NOL6: variants seen among roughly 807,000 people sequenced by gnomAD.
NOL6 encodes the protein nucleolar protein 6, also known as nucleolar RNA-associated protein.
Under a neutral mutation model 131.7 loss-of-function variants are expected in NOL6, and 33 were observed. The ratio of observed to expected loss-of-function variants is 0.25; its 90% CI spans 0.19 to 0.33. NOL6 has a LOEUF of 0.33. NOL6 is among the 10% of genes least tolerant of loss of function. The pLI is 1.00. For synonymous variants in NOL6, 580 were observed against 605.7 expected, an observed-to-expected ratio of 0.96 and a Z score of 0.62; for missense variants, 1,297 against 1,494.5, an observed-to-expected ratio of 0.87 and a Z score of 2.18.
chr9:33,465,045 G>C lies in NOL6; in HGVS notation c.2682-69C>G, dbSNP rs925041559. ...ATCCCCAGGCTTCTCTCAGGCTATGGAGCTCAGACCCCCTGGTGTGGATTG... is the reference window on the plus strand; with the variant it reads ...ATCCCCAGGCTTCTCTCAGGCTATGCAGCTCAGACCCCCTGGTGTGGATTG... On this transcript the variant is annotated intron_variant, in intron 20 of 25. Coordinates refer to ENST00000297990, the MANE Select transcript of NOL6 (RefSeq NM_022917.5). The C allele has an allele frequency of 1.1e-5, 16 of 1,484,722 alleles. No individual in the cohort carries two copies. The African/African-American group carries it at 2.2e-4, about 21-fold the overall frequency. 92.0% of individuals were successfully genotyped at this position (1,484,722 alleles called of 1,614,324 possible). A position where few individuals can be genotyped will look rare whatever the true frequency, so the allele number is the denominator to read the frequency against.
Position 33,461,805 on chromosome 9 carries a change from G to C in NOL6, c.*859C>G, listed in dbSNP as rs750381460. Reference sequence around the variant, plus strand: ...GAAGCAGAGAGGCTACCAGAAAGTGGGTGTAGACCAGACTGAAAGGAGGCA... The same window carrying C: ...GAAGCAGAGAGGCTACCAGAAAGTGCGTGTAGACCAGACTGAAAGGAGGCA... On this transcript the variant is annotated 3_prime_UTR_variant, in exon 26 of 26. Transcript: ENST00000297990. 143 of 211,892 alleles carry C rather than the reference G, an allele frequency of 6.7e-4. 1 individual carries two copies. The highest frequency in any genetic ancestry group is 2.1e-4 in the Admixed American group (4 of 19,214). The allele number at this position is 211,892 out of a possible 1,614,324, so 13.1% of individuals were successfully genotyped here.
In NOL6 at chr9:33,462,705, C is replaced by A; in HGVS notation, c.3400G>T (p.Val1134Leu). ...TCACTTCGGGCCTCCACAGTCTGCACCAGGCCTTCACCCAGCACAGCAAAG... is the reference window on the plus strand; with the variant it reads ...TCACTTCGGGCCTCCACAGTCTGCAACAGGCCTTCACCCAGCACAGCAAAG... ...EDFAVLGEGL[V>L]QTVEARSERW... The change falls in exon 26 of 26, where the codon GTG becomes TTG. Residue 1134 changes from valine to leucine, a missense_variant. By Grantham distance (32) the Val-to-Leu change is conservative (BLOSUM62 1). Transcript: ENST00000297990. 1 of 1,614,178 alleles carries A rather than the reference C, an allele frequency of 6.2e-7. No individual in the cohort carries two copies.
At chr9:33,468,454 T>C in intron 9 of NOL6, 32 bp from the exon 10 acceptor site, 2 of 1,613,554 alleles carry the variant, frequency 1.2e-6, no homozygotes, top group Non-Finnish European at 1.7e-6. Context: ...CAGGTCAGGA[T>C]TGGCACCTTA....
chr9:33,467,091 G>T lies in NOL6; in HGVS notation c.1874+23C>A. The T allele has an allele frequency of 6.2e-7, 1 of 1,613,750 alleles. No homozygotes were observed. Among genetic ancestry groups the T allele is most frequent in the Non-Finnish European group, 8.5e-7 (1 of 1,179,690 alleles). On this transcript the variant is annotated intron_variant, in intron 14 of 25. Transcript: ENST00000297990. The surrounding 1 kb of genome is among the most constrained non-coding windows in gnomAD (Gnocchi z 4.4). ...GGCTCCCCAGCCCACACTGCCTTCT[G>T]GAATCCAGATGCCAACACTCACAGT...
Position 33,462,211 on chromosome 9 carries a change from A to C in NOL6, c.*453T>G. ...AAGGGCCACATTTTCGCTGGGTCCC[A>C]TCTAAAGGCCTGACACTGCAGTGAA... is the stretch of plus-strand genomic sequence containing the variant. On this transcript the variant is annotated 3_prime_UTR_variant, in exon 26 of 26. Coordinates refer to ENST00000297990, the MANE Select transcript of NOL6 (RefSeq NM_022917.5). 1.4e-6 allele frequency: 1 copy of C among 717,404 alleles called. No individual in the cohort carries two copies. Among genetic ancestry groups the C allele is most frequent in the South Asian group, 1.5e-5 (1 of 67,596 alleles). The allele number at this position is 717,404 out of a possible 1,614,324, so 44.4% of individuals were successfully genotyped here.
chr9:33,467,934 T>TTCA lies in NOL6; in HGVS notation c.1425-67_1425-66insTGA. 6.3e-7 allele frequency: 1 copy of TTCA among 1,596,370 alleles called. No individual in the cohort carries two copies. The highest frequency in any genetic ancestry group is 8.6e-7 in the Non-Finnish European group (1 of 1,168,484). ...CTGGCCCCTAGTACCACCTCCTCCCTGAATGATCTGAGCACCTGTCTGAAG... is the reference window on the plus strand; with the variant it reads ...CTGGCCCCTAGTACCACCTCCTCCCTTCAGAATGATCTGAGCACCTGTCTGAAG... On this transcript the variant is annotated intron_variant, in intron 11 of 25. Transcript: ENST00000297990. The surrounding 1 kb of genome is among the most constrained non-coding windows in gnomAD (Gnocchi z 4.4).
At position 33,468,802 on chromosome 9, in the gene NOL6, T is replaced by C. The variant is rs746606141; in HGVS notation, c.1097A>G (p.His366Arg). ...VVFLVSTRKI[H>R]TTMSGYQVLR... is the part of the protein sequence containing the mutation. ...GACCTGGTAGCCACTCATGGTGGTATGGATCTTGCGTGTAGACACAAGGAA... is the reference window on the plus strand; with the variant it reads ...GACCTGGTAGCCACTCATGGTGGTACGGATCTTGCGTGTAGACACAAGGAA... The change falls in exon 8 of 26, where the codon CAT (histidine) becomes CGT (arginine). Residue 366 changes from histidine (H) to arginine (R), a missense_variant. His to Arg is a conservative substitution (Grantham distance 29). Coordinates refer to ENST00000297990, the MANE Select transcript of NOL6 (RefSeq NM_022917.5). 1.6e-5 allele frequency: 26 copies of C among 1,614,060 alleles called. No individual in the cohort carries two copies. Among genetic ancestry groups the C allele is most frequent in the East Asian group, 2.2e-5 (1 of 44,886 alleles).
At position 33,472,109 on chromosome 9, in the gene NOL6, T is replaced by C. The variant is rs1234631723; in HGVS notation, c.273A>G (p.Leu91=). ...TCTCTGACAGCCTTACTTCCTTTAGTAGCTCCTCTACCTGTAAGAGAGGGT... is the reference window on the plus strand; with the variant it reads ...TCTCTGACAGCCTTACTTCCTTTAGCAGCTCCTCTACCTGTAAGAGAGGGT... ...SSLLRLQVEE[L]LKEVRLSEKK... is the part of the protein sequence containing the mutation. Residue 91 remains leucine, a synonymous_variant, in exon 3 of 26, where the codon CTA becomes CTG. Transcript: ENST00000297990. 6.2e-7 allele frequency: 1 copy of C among 1,614,134 alleles called. No individual in the cohort carries two copies. Among genetic ancestry groups the C allele is most frequent in the Non-Finnish European group, 8.5e-7 (1 of 1,179,992 alleles).
At position 33,466,599 on chromosome 9, in the gene NOL6, C is replaced by G. The variant is rs201739412; in HGVS notation, c.2061G>C (p.Gln687His). The G allele has an allele frequency of 1.3e-4, 212 of 1,614,148 alleles. 1 individual carries two copies. Among genetic ancestry groups the G allele is most frequent in the Middle Eastern group, 8.2e-4 (5 of 6,062 alleles). Residue 687 changes from glutamine (Q) to histidine (H), a missense_variant, in exon 16 of 26, where the codon CAG becomes CAC. Coordinates refer to ENST00000297990, the MANE Select transcript of NOL6 (RefSeq NM_022917.5). ...EGLPLTVSAVQGAHPVLRYTE... is the reference protein window; with the variant it reads ...EGLPLTVSAVHGAHPVLRYTE... ...TGTAGCGCAGCACTGGGTGAGCTCC[C>G]TGAACAGCAGACACGGTCAGTGGGA... is the stretch of plus-strand genomic sequence containing the variant.
Position 33,466,728 on chromosome 9 carries a change from T to C in NOL6, c.1951-19A>G. 6.2e-7 allele frequency: 1 copy of C among 1,613,100 alleles called. No individual in the cohort carries two copies. The highest frequency in any genetic ancestry group is 8.5e-7 in the Non-Finnish European group (1 of 1,179,780). On this transcript the variant is annotated intron_variant, in intron 15 of 25. Transcript: ENST00000297990. ...TGGAGGTCTGAGAGGGAGAAGACGG[T>C]CAGGAGGCTGGACCCTACAGAAGGC...
intron 6 of NOL6, 21 bp downstream of exon 6, chr9:33,469,183 ACCT>A (rs1827338287): frequency 1.2e-6 from 2 of 1,614,090 alleles, no homozygotes; most frequent in Non-Finnish European, 8.5e-7. Flanking sequence ...CTCCAGCTCC[ACCT>A]CAACACCAGG....
At chr9:33,468,677 A>G in intron 8 of NOL6, 75 bp downstream of exon 8, 3 of 1,611,426 alleles carry the variant, frequency 1.9e-6, no homozygotes, top group East Asian at 2.2e-5. Flanking sequence ...GCAAAACACC[A>G]AAAGACTGCT....
At position 33,473,903 on chromosome 9, in the gene NOL6, T is replaced by G; in HGVS notation, c.-61A>C. The G allele has an allele frequency of 6.3e-7, 1 of 1,585,768 alleles. No individual in the cohort carries two copies. On this transcript the variant is annotated 5_prime_UTR_variant, in exon 1 of 26. Transcript: ENST00000297990. ...CTAGCCGGGTCTATACCTCATAGCT[T>G]CCCACGTGGGCGGAAATGCCTAACT...
intron 9 of NOL6, 21 bp downstream of exon 9, chr9:33,468,485 GAC>G: frequency 1.2e-6 from 2 of 1,614,036 alleles, no homozygotes; most frequent in Non-Finnish European, 1.7e-6. Context: ...TCCTGGCATA[GAC>G]CTGGCCCTTC....
rs760236765 is a variant in NOL6 at position 33,463,313 on chromosome 9, C to T, written c.3123G>A (p.Pro1041=). Residue 1041 remains proline (P), a synonymous_variant, in exon 24 of 26, where the codon CCG becomes CCA. Transcript: ENST00000297990. ...ASFCRGLLSQ[P]GPSSLMPVLG... Reference sequence around the variant, plus strand: ...GCACGGGCATCAGGGATGAGGGCCCCGGCTGGCTGAGCAGGCCCCGGCAGA... The same window carrying T: ...GCACGGGCATCAGGGATGAGGGCCCTGGCTGGCTGAGCAGGCCCCGGCAGA... 1.4e-5 allele frequency: 23 copies of T among 1,613,938 alleles called. No individual in the cohort carries two copies. The highest frequency in any genetic ancestry group is 1.8e-5 in the Non-Finnish European group (21 of 1,179,982).
chr9:33,471,998 G>T lies in NOL6; in HGVS notation c.378+6C>A. The T allele has an allele frequency of 6.2e-7, 1 of 1,604,722 alleles. No individual in the cohort carries two copies. The highest frequency in any genetic ancestry group is 1.3e-5 in the African/African-American group (1 of 74,814). ...GGCTTCCCAGTTCCCCAGGCCACTT[G>T]CTTACCTCTGTCTCAGGGACTGAGG... On this transcript the variant is annotated splice_donor_region_variant and intron_variant, in intron 3 of 25. Transcript: ENST00000297990.
Position 33,462,580 on chromosome 9 carries a change from G to T in NOL6, c.*84C>A. 1 of 1,490,634 alleles carries T rather than the reference G, an allele frequency of 6.7e-7. No individual in the cohort carries two copies. The highest frequency in any genetic ancestry group is 9.2e-7 in the Non-Finnish European group (1 of 1,085,828). The allele number at this position is 1,490,634 out of a possible 1,614,324, so 92.3% of individuals were successfully genotyped here. On this transcript the variant is annotated 3_prime_UTR_variant, in exon 26 of 26. Transcript: ENST00000297990. ...CCCTCCATGGAGGATTCATGTCCAA[G>T]GAGGGTGGAGGTCATCCTACTGACA...
Position 33,469,092 on chromosome 9 carries a change from T to C in NOL6, c.892A>G (p.Asn298Asp). The change falls in exon 7 of 26, where the codon AAC becomes GAC. Residue 298 changes from asparagine (N) to aspartate (D), a missense_variant. Physicochemically the swap from Asn to Asp is conservative, Grantham distance 23. Coordinates refer to ENST00000297990, the MANE Select transcript of NOL6 (RefSeq NM_022917.5). Reference sequence around the variant, plus strand: ...ACTGTATCTTGCAGGACCCATGTGTTATAGCGGGGGGTAGGAGGCTCTGGG... The same window carrying C: ...ACTGTATCTTGCAGGACCCATGTGTCATAGCGGGGGGTAGGAGGCTCTGGG... ...GSPEPPTPRY[N>D]TWVLQDTVLE... is the part of the protein sequence containing the mutation. The C allele has an allele frequency of 6.2e-7, 1 of 1,614,116 alleles. No individual in the cohort carries two copies. Among genetic ancestry groups the C allele is most frequent in the Non-Finnish European group, 8.5e-7 (1 of 1,180,022 alleles).
chr9:33,465,814 G>A lies in NOL6; in HGVS notation c.2448C>T (p.Ile816=). The change falls in exon 19 of 26, where the codon ATC becomes ATT. Residue 816 remains isoleucine, a synonymous_variant. Coordinates refer to ENST00000297990, the MANE Select transcript of NOL6 (RefSeq NM_022917.5). The stretch of plus-strand genomic sequence containing the variant: ...GGGAGGCAGCTGTGTCCCTCAGCGA[G>A]ATCATCCCCTCTGGGCTCTGCACCT... ...LKEVQSPEGM[I]SLRDTAASLR... 1.2e-6 allele frequency: 2 copies of A among 1,614,108 alleles called. No individual in the cohort carries two copies. The highest frequency in any genetic ancestry group is 1.7e-6 in the Non-Finnish European group (2 of 1,179,988).
Sources: gnomAD v4.1 joint callset for allele counts on GRCh38, gnomAD v4.1.1 for gene constraint, Gnocchi (gnomAD v3.1) non-coding constraint, MANE v1.5 for transcripts, NCBI Gene and HGNC (gene_info 2026-07-23, HGNC 2026-07-21) for gene names.